Variants in ANP32A observed in about 807,000 individuals in gnomAD.
The protein encoded by ANP32A is acidic nuclear phosphoprotein 32 family member A, also known as acidic leucine-rich nuclear phosphoprotein 32 family member A.
In ANP32A, 1 loss-of-function variant was observed where a neutral mutation model predicts 33.9. That is an observed-to-expected ratio of 0.03 (90% CI 0.01 to 0.14). The LOEUF (loss-of-function observed/expected upper bound fraction) is 0.14, where lower values mean the gene tolerates loss of function less well. Among genes scored for constraint, ANP32A ranks in the 10% least tolerant of loss-of-function variants. ANP32A has a pLI of 1.00. For synonymous variants in ANP32A, 115 were observed against 120.5 expected (o/e 0.95, Z 0.30); for missense variants, 155 against 306.0 (o/e 0.51, Z 3.68).
At chr15:68,783,354 G>C (rs937985350) in intron 4 of ANP32A, among the ~76,000 whole-genome samples, 3 of 151,804 alleles carry the variant, frequency 2.0e-5, no homozygotes, top group South Asian at 2.1e-4. Flanking sequence ...CAGGTTCCAG[G>C]GCCCGGGAAA....
At chr15:68,805,177 C>G (rs1369061137) in intron 1 of ANP32A, among the ~76,000 whole-genome samples, 1 of 152,186 alleles carries the variant, frequency 6.6e-6, no homozygotes, top group African/African-American at 2.4e-5. Flanking sequence ...TAAACCAGGT[C>G]CAGATGGAAT....
In ANP32A at chr15:68,808,589, G is replaced by A. The variant is rs142665399; in HGVS notation, c.54+12109C>T. On this transcript the variant is annotated intron_variant, in intron 1 of 6. Coordinates refer to ENST00000465139, the MANE Select transcript of ANP32A (RefSeq NM_006305.4). Reference sequence around the variant, plus strand: ...CCATATCAGTGGACTCCCCTCACCCGTCCATTCAGTTACACCACTTAGGCC... The same window carrying A: ...CCATATCAGTGGACTCCCCTCACCCATCCATTCAGTTACACCACTTAGGCC... Among the ~76,000 whole-genome samples the A allele has an allele frequency of 4.7e-3, 721 of 152,314 alleles. 9 individuals carry two copies. Among genetic ancestry groups the A allele is most frequent in the African/African-American group, 0.017 (686 of 41,562 alleles).
intron 3 of ANP32A, chr15:68,787,195 G>T: frequency 1.7e-6 from 1 of 597,552 alleles, no homozygotes; most frequent in Non-Finnish European, 2.9e-6. Context: ...TACAATAGCT[G>T]CCCATTCTGT....
At chr15:68,809,183 C>A (rs1284126435) in intron 1 of ANP32A, among the ~76,000 whole-genome samples, 1 of 152,190 alleles carries the variant, frequency 6.6e-6, no homozygotes, top group African/African-American at 2.4e-5. Context: ...CAAGCTGACA[C>A]ACGGCAGTGG....
intron 1 of ANP32A, among the ~76,000 whole-genome samples, chr15:68,819,108 AGAG>A (rs1457138774): frequency 6.6e-6 from 1 of 152,120 alleles, no homozygotes; most frequent in Non-Finnish European, 1.5e-5. Context: ...ACTAGGGAAA[AGAG>A]GAAGCGAGGC....
chr15:68,808,375 G>A (rs1894266815), intron 1 of ANP32A, among the ~76,000 whole-genome samples: 1 of 152,128 alleles, frequency 6.6e-6, no homozygotes, highest in Non-Finnish European at 1.5e-5. Context: ...TCCCTGCAGT[G>A]TATGTGCTAT....
At chr15:68,795,369 T>G (rs1378747833) in intron 1 of ANP32A, among the ~76,000 whole-genome samples, 1 of 152,158 alleles carries the variant, frequency 6.6e-6, no homozygotes, top group East Asian at 1.9e-4. Context: ...GGGGAGCACA[T>G]GGCCCGGGGA....
intron 3 of ANP32A, among the ~76,000 whole-genome samples, chr15:68,786,962 G>C (rs1282966223): frequency 1.3e-5 from 2 of 152,170 alleles, no homozygotes. Flanking sequence ...TCTATGTCAG[G>C]ACTGACTCAT....
intron 1 of ANP32A, chr15:68,817,717 C>G (rs1349073543): frequency 6.6e-6 from 1 of 152,232 alleles, no homozygotes; most frequent in Non-Finnish European, 1.5e-5. Context: ...TCGTCGTCCT[C>G]CCGGCGCCGC....
intron 1 of ANP32A, among the ~76,000 whole-genome samples, chr15:68,810,088 C>G (rs1222239562): frequency 6.6e-6 from 1 of 152,198 alleles, no homozygotes; most frequent in Non-Finnish European, 1.5e-5. Flanking sequence ...CAGTGGCAAT[C>G]TCAGTGTGGC....
chr15:68,787,931 C>CCCGA lies in ANP32A; in HGVS notation c.55-16_55-13dup. Reference sequence around the variant, plus strand: ...ACAAGTTCTTTCACCTGAAAGAAGGCCCGACCGTGTGAGCGGGGCTGAGGA... The same window carrying CCCGA: ...ACAAGTTCTTTCACCTGAAAGAAGGCCCGACCGACCGTGTGAGCGGGGCTGAGGA... On this transcript the variant is annotated splice_polypyrimidine_tract_variant and intron_variant, in intron 1 of 6. Coordinates refer to ENST00000465139, the MANE Select transcript of ANP32A (RefSeq NM_006305.4). 6.2e-7 allele frequency: 1 copy of CCCGA among 1,613,964 alleles called. No individual in the cohort carries two copies. The highest frequency in any genetic ancestry group is 1.1e-5 in the South Asian group (1 of 91,080).
intron 3 of ANP32A, among the ~76,000 whole-genome samples, chr15:68,786,407 G>A (rs2140360539): frequency 6.6e-6 from 1 of 152,066 alleles, no homozygotes; most frequent in South Asian, 2.1e-4. Flanking sequence ...CTACAGGCGT[G>A]TGCCACCACG....
intron 1 of ANP32A, among the ~76,000 whole-genome samples, chr15:68,792,425 G>A (rs1894009373): frequency 6.6e-6 from 1 of 152,164 alleles, no homozygotes; most frequent in Non-Finnish European, 1.5e-5. Context: ...AGGAGGCAAT[G>A]AAGGTTCCCA....
intron 1 of ANP32A, 30 bp downstream of exon 1, chr15:68,820,668 C>T (rs765338385): frequency 7.0e-7 from 1 of 1,420,002 alleles, no homozygotes; most frequent in Non-Finnish European, 9.4e-7. Flanking sequence ...GGAGAATGGA[C>T]CGACAGAGAT....
rs958521378 is a variant in ANP32A at position 68,779,061 on chromosome 15, A to G, written c.*1020T>C. 9.2e-5 allele frequency: 14 copies of G among 152,176 alleles called. No homozygotes were observed. The highest frequency in any genetic ancestry group is 1.8e-4 in the Non-Finnish European group (12 of 68,032). 9.4% of individuals were successfully genotyped at this position (152,176 alleles called of 1,614,324 possible). A position where few individuals can be genotyped will look rare whatever the true frequency, so the allele number is the denominator to read the frequency against. On this transcript the variant is annotated 3_prime_UTR_variant, in exon 7 of 7. Coordinates refer to ENST00000465139, the MANE Select transcript of ANP32A (RefSeq NM_006305.4). ...ATTACACGTCACTTCTAAAGCAACCAGAAGAGGGACACGAAAGCAAACCTG... is the reference window on the plus strand; with the variant it reads ...ATTACACGTCACTTCTAAAGCAACCGGAAGAGGGACACGAAAGCAAACCTG...
At chr15:68,790,641 G>C (rs1596066102) in intron 1 of ANP32A, 1 of 152,128 alleles carries the variant, frequency 6.6e-6, no homozygotes, top group African/African-American at 2.4e-5. Context: ...CCACTCCTTG[G>C]GGTGTGTTCT....
intron 1 of ANP32A, chr15:68,818,268 TCG>T: frequency 3.6e-6 from 1 of 275,128 alleles, no homozygotes; most frequent in Non-Finnish European, 7.7e-6. Context: ...TATTTCGGCG[TCG>T]CGGCATGGCC....
intron 1 of ANP32A, among the ~76,000 whole-genome samples, chr15:68,801,028 G>T: frequency 6.6e-6 from 1 of 152,196 alleles, no homozygotes; most frequent in African/African-American, 2.4e-5. Context: ...TGAGATTGGG[G>T]TGGAGAGAAG....
At chr15:68,811,861 A>G (rs1271387170) in intron 1 of ANP32A, among the ~76,000 whole-genome samples, 1 of 151,468 alleles carries the variant, frequency 6.6e-6, no homozygotes, top group African/African-American at 2.4e-5. Context: ...CTCAGCCTCC[A>G]GAGTAGCTGG....
Sources: allele counts gnomAD v4.1 joint callset (sites outside exome capture counted in the v4.1 genomes callset), GRCh38; gene constraint gnomAD v4.1.1; transcripts MANE v1.5; gene names NCBI Gene and HGNC (gene_info 2026-07-23, HGNC 2026-07-21).